Variants in COA1 observed in about 807,000 individuals in gnomAD.
COA1 encodes cytochrome c oxidase assembly factor 1, also known as cytochrome c oxidase assembly factor 1 homolog.
A neutral mutation model predicts 16.0 loss-of-function variants in COA1; 13 were observed. That is an observed-to-expected ratio of 0.81 (90% CI 0.53 to 1.29). The LOEUF is 1.29. Among genes scored for constraint, COA1 ranks in the 50% most tolerant of loss-of-function variants. COA1 has a pLI of 0.00. For missense variants in COA1, 179 were observed against 177.0 expected (o/e 1.01, Z -0.06); for synonymous variants, 65 against 65.7 (o/e 0.99, Z 0.05).
intron 6 of COA1, chr7:43,623,865 G>A: frequency 6.4e-7 from 1 of 1,568,120 alleles, no homozygotes; most frequent in Non-Finnish European, 8.6e-7. Context: ...ATTTCATCAG[G>A]ACACTTTTAG....
intron 4 of COA1, chr7:43,641,551 A>G (rs978282048): frequency 1.3e-5 from 2 of 152,214 alleles, no homozygotes; most frequent in Non-Finnish European, 2.9e-5. Flanking sequence ...AAAATACCAA[A>G]AAAAATTCAC....
intron 6 of COA1, chr7:43,632,728 T>A (rs564066129): frequency 5.3e-5 from 8 of 152,330 alleles, no homozygotes; most frequent in African/African-American, 1.9e-4. Flanking sequence ...TTGGATTTGT[T>A]TTTTGAGACA....
chr7:43,658,524 T>C (rs760067230), intron 1 of COA1, among the ~76,000 whole-genome samples: 5 of 152,160 alleles, frequency 3.3e-5, no homozygotes, highest in Non-Finnish European at 5.9e-5. Flanking sequence ...TGAAATCGAA[T>C]TGTTTTCTAA....
intron 6 of COA1, among the ~76,000 whole-genome samples, chr7:43,630,506 G>A (rs2085068389): frequency 6.6e-6 from 1 of 152,108 alleles, no homozygotes; most frequent in East Asian, 1.9e-4. Context: ...AAGTATTTGG[G>A]AAGAGATATG....
chr7:43,707,940 G>T (rs1427756261), intron 1 of COA1, among the ~76,000 whole-genome samples: 2 of 152,140 alleles, frequency 1.3e-5, no homozygotes. Context: ...TACCAAAGTG[G>T]TTATATCCAA....
At chr7:43,622,891 C>CA (rs1563167127) in intron 6 of COA1, 1 of 152,210 alleles carries the variant, frequency 6.6e-6, no homozygotes, top group African/African-American at 2.4e-5. Context: ...TTTGTAGAGA[C>CA]AGAGTCTCAT....
chr7:43,622,997 T>A (rs1470291954), intron 6 of COA1: 1 of 152,458 alleles, frequency 6.6e-6, no homozygotes, highest in Non-Finnish European at 1.5e-5. Context: ...GCATATTATT[T>A]TTCTCAATTC....
intron 1 of COA1, among the ~76,000 whole-genome samples, chr7:43,662,436 T>G (rs1056577549): frequency 6.6e-6 from 1 of 152,216 alleles, no homozygotes; most frequent in Non-Finnish European, 1.5e-5. Context: ...TTTCACTACG[T>G]TGGCCAGCTG....
At chr7:43,719,978 C>T (rs10479865) in intron 1 of COA1, among the ~76,000 whole-genome samples, 7 of 151,888 alleles carry the variant, frequency 4.6e-5, no homozygotes, top group Non-Finnish European at 8.8e-5. Flanking sequence ...GTTTATTCTA[C>T]GTAAAATAAA....
At chr7:43,661,992 G>T (rs1426327987) in intron 1 of COA1, among the ~76,000 whole-genome samples, 1 of 152,190 alleles carries the variant, frequency 6.6e-6, no homozygotes, top group Non-Finnish European at 1.5e-5. Context: ...CCAAGGCATG[G>T]TATTTCAAAA....
intron 1 of COA1, chr7:43,665,579 A>G (rs980664195): frequency 6.6e-6 from 1 of 152,226 alleles, no homozygotes; most frequent in Non-Finnish European, 1.5e-5. Flanking sequence ...AGCAGAGTGT[A>G]TTAATTCGTT....
At chr7:43,715,006 TAAAAAA>T (rs755827781) in intron 1 of COA1, among the ~76,000 whole-genome samples, 14,540 of 95,486 alleles carry the variant, frequency 0.15, 1,460 homozygotes, top group African/African-American at 0.34. Flanking sequence ...GCCTCTTGTC[TAAAAAA>T]AAAAAAAAAA....
At chr7:43,663,698 A>AC (rs1430278007) in intron 1 of COA1, among the ~76,000 whole-genome samples, 2,954 of 142,630 alleles carry the variant, frequency 0.021, 123 homozygotes, top group Non-Finnish European at 0.033. Flanking sequence ...ACACACACAC[A>AC]AAAAAAAACC....
chr7:43,708,855 T>C (rs1229561442), intron 1 of COA1, among the ~76,000 whole-genome samples: 2 of 152,168 alleles, frequency 1.3e-5, no homozygotes, highest in East Asian at 3.8e-4. Context: ...CTTTTCCTAC[T>C]CTTTGGCTTG....
chr7:43,722,029 C>T (rs2095516026), intron 1 of COA1, among the ~76,000 whole-genome samples: 1 of 151,630 alleles, frequency 6.6e-6, no homozygotes, highest in South Asian at 2.1e-4. Context: ...TAGCACAGAA[C>T]ATTTCAATGA....
chr7:43,704,512 T>C (rs2094892588), intron 1 of COA1, among the ~76,000 whole-genome samples: 1 of 152,248 alleles, frequency 6.6e-6, no homozygotes, highest in Non-Finnish European at 1.5e-5. Context: ...TTTGTTCATT[T>C]TTTAACTCTT....
chr7:43,614,613 GC>G (rs2083180311), intron 6 of COA1, among the ~76,000 whole-genome samples: 1 of 152,144 alleles, frequency 6.6e-6, no homozygotes, highest in South Asian at 2.1e-4. Flanking sequence ...TCAAAATTGG[GC>G]ACAGTTAGTT....
At chr7:43,681,603 C>G (rs1414210437) in intron 1 of COA1, among the ~76,000 whole-genome samples, 1 of 152,098 alleles carries the variant, frequency 6.6e-6, no homozygotes, top group African/African-American at 2.4e-5. Flanking sequence ...GTAGACTGCC[C>G]TTGATTCCCA....
chr7:43,640,222 C>G (rs188608276), intron 5 of COA1, among the ~76,000 whole-genome samples: 10 of 152,368 alleles, frequency 6.6e-5, no homozygotes, highest in Admixed American at 5.9e-4. Flanking sequence ...TGAATAAATT[C>G]TGGAACAAGA....
Sources: allele counts gnomAD v4.1 joint callset (sites outside exome capture counted in the v4.1 genomes callset), GRCh38; gene constraint gnomAD v4.1.1; transcripts MANE v1.5; gene names NCBI Gene and HGNC (gene_info 2026-07-23, HGNC 2026-07-21).